Variants in GALNT7 observed in about 807,000 individuals in gnomAD.
GALNT7 encodes N-acetylgalactosaminyltransferase 7.
A neutral mutation model predicts 82.1 loss-of-function variants in GALNT7; 60 were observed. The observed-to-expected ratio is 0.73, with a 90% CI of 0.59 to 0.91. The LOEUF (loss-of-function observed/expected upper bound fraction) is 0.91, where lower values mean the gene tolerates loss of function less well. Ranked by LOEUF, GALNT7 falls within the 40% of genes least tolerant of loss-of-function variation. GALNT7 has a pLI of 0.00. For synonymous variants in GALNT7, 243 were observed against 275.1 expected, an observed-to-expected ratio of 0.88 and a Z score of 1.15; for missense variants, 660 against 804.2, an observed-to-expected ratio of 0.82 and a Z score of 2.17.
intron 7 of GALNT7, among the ~76,000 whole-genome samples, chr4:173,303,335 G>A (rs1309909298): frequency 6.6e-6 from 1 of 152,160 alleles, no homozygotes; most frequent in African/African-American, 2.4e-5. Context: ...AAAGTACAAA[G>A]AAGAGAACAC....
chr4:173,184,098 T>G (rs1304042081), intron 1 of GALNT7, among the ~76,000 whole-genome samples: 1 of 141,070 alleles, frequency 7.1e-6, no homozygotes, highest in African/African-American at 2.7e-5. Context: ...GGGAAGAGGC[T>G]CTCCTCACTT....
At chr4:173,201,899 G>C (rs1370838605) in intron 1 of GALNT7, among the ~76,000 whole-genome samples, 1 of 152,150 alleles carries the variant, frequency 6.6e-6, no homozygotes, top group African/African-American at 2.4e-5. Flanking sequence ...TTTTGAAAAA[G>C]TGACAAGTCT....
intron 2 of GALNT7, among the ~76,000 whole-genome samples, chr4:173,274,380 T>C (rs1735828104): frequency 6.6e-6 from 1 of 152,194 alleles, no homozygotes; most frequent in Non-Finnish European, 1.5e-5. Flanking sequence ...GGTGGCCATG[T>C]ATTTCCTGGG....
intron 1 of GALNT7, among the ~76,000 whole-genome samples, chr4:173,193,724 T>C (rs999500833): frequency 6.6e-6 from 1 of 152,124 alleles, no homozygotes; most frequent in Non-Finnish European, 1.5e-5. Flanking sequence ...TCCCAAATAA[T>C]GAGTAGTGTG....
At chr4:173,253,539 G>A (rs1297565388) in intron 2 of GALNT7, among the ~76,000 whole-genome samples, 2 of 152,192 alleles carry the variant, frequency 1.3e-5, no homozygotes, top group African/African-American at 4.8e-5. Flanking sequence ...AGTGGCATTT[G>A]AGTGGGAACT....
At chr4:173,236,019 A>G (rs777152810) in intron 1 of GALNT7, among the ~76,000 whole-genome samples, 27 of 152,352 alleles carry the variant, frequency 1.8e-4, no homozygotes, top group Non-Finnish European at 3.2e-4. Flanking sequence ...AACCTGGTAC[A>G]TAGTAGGTAC....
intron 2 of GALNT7, among the ~76,000 whole-genome samples, chr4:173,254,255 A>G (rs968612124): frequency 6.6e-6 from 1 of 152,202 alleles, no homozygotes; most frequent in Non-Finnish European, 1.5e-5. Flanking sequence ...CTCATGCCTT[A>G]TATGCCAGAT....
intron 2 of GALNT7, among the ~76,000 whole-genome samples, chr4:173,265,316 A>G (rs1415437068): frequency 2.0e-5 from 3 of 152,194 alleles, no homozygotes; most frequent in Non-Finnish European, 4.4e-5. Context: ...CTGACATACT[A>G]AGAAGTGACC....
rs567837494 is a variant in GALNT7, at chr4:173,290,041, G to A, written c.588-2067G>A. Among the ~76,000 whole-genome samples, 3 of 152,240 alleles carry A rather than the reference G, an allele frequency of 2.0e-5. No individual in the cohort carries two copies. In the South Asian group the frequency reaches 6.2e-4, roughly 32 times the overall value. ...CAATTCAGGAAAGAACTATGGAGCCGCTGTTATGTGTTATATGCTGGGAAT... is the reference window on the plus strand; with the variant it reads ...CAATTCAGGAAAGAACTATGGAGCCACTGTTATGTGTTATATGCTGGGAAT... On this transcript the variant is annotated intron_variant, in intron 2 of 11. Coordinates refer to ENST00000265000, the MANE Select transcript of GALNT7 (RefSeq NM_017423.3).
intron 1 of GALNT7, among the ~76,000 whole-genome samples, chr4:173,199,421 A>T (rs1401848620): frequency 2.0e-5 from 3 of 152,172 alleles, no homozygotes; most frequent in African/African-American, 7.2e-5. Context: ...AGTTGTTAGG[A>T]CAGTGCCTGG....
chr4:173,221,564 C>T (rs921271662), intron 1 of GALNT7, among the ~76,000 whole-genome samples: 6 of 152,032 alleles, frequency 3.9e-5, no homozygotes, highest in African/African-American at 1.4e-4. Flanking sequence ...ATGGAACAAC[C>T]GATAGAATAA....
At chr4:173,181,588 T>C (rs898015574) in intron 1 of GALNT7, among the ~76,000 whole-genome samples, 1 of 152,250 alleles carries the variant, frequency 6.6e-6, no homozygotes, top group Non-Finnish European at 1.5e-5. Flanking sequence ...CTCTAAATCA[T>C]GGCACATGTA....
At chr4:173,310,742 G>A (rs934091451) in intron 8 of GALNT7, among the ~76,000 whole-genome samples, 7 of 152,056 alleles carry the variant, frequency 4.6e-5, no homozygotes, top group African/African-American at 1.7e-4. Context: ...TGTTGTTGTT[G>A]TTGTTGTTTT....
At chr4:173,252,062 A>T (rs1030907131) in intron 2 of GALNT7, among the ~76,000 whole-genome samples, 1 of 152,226 alleles carries the variant, frequency 6.6e-6, no homozygotes, top group Non-Finnish European at 1.5e-5. Flanking sequence ...TATACTTTAG[A>T]ATGTGGACAA....
chr4:173,308,831 A>C (rs1006296187), intron 8 of GALNT7, among the ~76,000 whole-genome samples: 1 of 152,208 alleles, frequency 6.6e-6, no homozygotes, highest in Admixed American at 6.5e-5. Context: ...TGAACCCTGG[A>C]GGCAGAGTTT....
At chr4:173,268,867 A>G (rs1175076624) in intron 2 of GALNT7, among the ~76,000 whole-genome samples, 1 of 152,138 alleles carries the variant, frequency 6.6e-6, no homozygotes, top group African/African-American at 2.4e-5. Context: ...CAGAAACAAG[A>G]AACAGAACAT....
intron 2 of GALNT7, among the ~76,000 whole-genome samples, chr4:173,261,104 A>G (rs1735239842): frequency 6.6e-6 from 1 of 152,146 alleles, no homozygotes; most frequent in South Asian, 2.1e-4. Context: ...TTTCACAGTA[A>G]TTTGTATTTA....
chr4:173,201,458 TAAAG>T (rs898436074), intron 1 of GALNT7, among the ~76,000 whole-genome samples: 3 of 152,048 alleles, frequency 2.0e-5, no homozygotes, highest in Admixed American at 6.6e-5. Flanking sequence ...AAGGTAAAAA[TAAAG>T]AAAAAAATGT....
chr4:173,268,713 G>T lies in GALNT7; in HGVS notation c.587+20273G>T, dbSNP rs867004026. ...GCCCAGCTAATTTTTTTTTTTTTTT[G>T]TATTTTTAGTAGAGATGGGGTTTCA... On this transcript the variant is annotated intron_variant, in intron 2 of 11. Transcript: ENST00000265000. Among the ~76,000 whole-genome samples the T allele has an allele frequency of 6.8e-3, 899 of 131,968 alleles. 11 individuals are homozygous for T. Among genetic ancestry groups the T allele is most frequent in the African/African-American group, 0.022 (781 of 35,374 alleles). The allele number at this position is 131,968 out of a possible 152,430, so 86.6% of individuals were successfully genotyped here. A position where few individuals can be genotyped will look rare whatever the true frequency, so the allele number is the denominator to read the frequency against.
Sources: gnomAD v4.1 joint callset for allele counts (sites outside exome capture counted in the v4.1 genomes callset) on GRCh38, gnomAD v4.1.1 for gene constraint, MANE v1.5 for transcripts, NCBI Gene and HGNC (gene_info 2026-07-23, HGNC 2026-07-21) for gene names.